Variants in RBFOX1 observed in about 807,000 individuals in gnomAD.
The protein encoded by RBFOX1 is RNA binding fox-1 homolog 1, also known as RNA binding protein fox-1 homolog 1.
In RBFOX1, 8 loss-of-function variants were observed where a neutral mutation model predicts 57.7. The ratio of observed to expected loss-of-function variants is 0.14; its 90% CI spans 0.08 to 0.25. The LOEUF (loss-of-function observed/expected upper bound fraction) is 0.25, where lower values mean the gene tolerates loss of function less well. Ranked by LOEUF, RBFOX1 falls within the 10% of genes least tolerant of loss-of-function variation. RBFOX1 has a pLI of 1.00. For synonymous variants in RBFOX1, 326 were observed against 222.4 expected (o/e 1.47, Z -4.15); for missense variants, 611 against 548.5 (o/e 1.11, Z -1.14).
chr16:6,931,592 A>G (rs1308142780), intron 3 of RBFOX1, among the ~76,000 whole-genome samples: 2 of 152,056 alleles, frequency 1.3e-5, no homozygotes, highest in Non-Finnish European at 2.9e-5. Flanking sequence ...AATGGACAAC[A>G]TATCCCACCC....
rs547658724 is a variant in RBFOX1 at position 6,601,387 on chromosome 16, C to G, written c.-63-53216C>G. On this transcript the variant is annotated intron_variant, in intron 2 of 15. Transcript: ENST00000550418. ...TTAATGGAGATGAAGGTGAGAGTTA[C>G]GGTGCTTTTGTTGGTATTGTGGCCA... Among the ~76,000 whole-genome samples, 109 of 152,174 alleles carry G rather than the reference C, an allele frequency of 7.2e-4. 1 individual carries two copies. Among genetic ancestry groups the G allele is most frequent in the African/African-American group, 2.6e-3 (107 of 41,520 alleles).
At chr16:7,291,098 G>C (rs144013658) in intron 4 of RBFOX1, among the ~76,000 whole-genome samples, 24 of 152,278 alleles carry the variant, frequency 1.6e-4, no homozygotes, top group African/African-American at 5.8e-4. Flanking sequence ...CATGCACTGG[G>C]CATAAGTGAT....
chr16:5,967,563 A>G (rs1445099080), intron 4 of RBFOX1, among the ~76,000 whole-genome samples: 1 of 152,210 alleles, frequency 6.6e-6, no homozygotes, highest in African/African-American at 2.4e-5. Context: ...AGATAAAGCA[A>G]GAAAAACACA....
rs189275587 is a variant in RBFOX1 at position 6,129,474 on chromosome 16, A to G, written c.-127+109482A>G. Reference sequence around the variant, plus strand: ...CAGAACAGAAAATTATTCAATCTGAAGAATACAAAAGGAAACAAAGGTAGT... The same window carrying G: ...CAGAACAGAAAATTATTCAATCTGAGGAATACAAAAGGAAACAAAGGTAGT... On this transcript the variant is annotated intron_variant, in intron 1 of 15. Transcript: ENST00000550418. 6.6e-5 allele frequency among the ~76,000 whole-genome samples: 10 copies of G among 152,304 alleles called. No individual in the cohort carries two copies. The East Asian group carries it at 1.2e-3, about 18-fold the overall frequency.
intron 1 of RBFOX1, among the ~76,000 whole-genome samples, chr16:6,168,289 G>T (rs1597998607): frequency 6.6e-6 from 1 of 152,220 alleles, no homozygotes; most frequent in African/African-American, 2.4e-5. Context: ...TCAGGCCCCA[G>T]TGGGCGATTT....
At chr16:6,550,488 C>G (rs1033451434) in intron 2 of RBFOX1, among the ~76,000 whole-genome samples, 3 of 151,878 alleles carry the variant, frequency 2.0e-5, no homozygotes, top group Admixed American at 6.6e-5. Context: ...ACCATGCCCA[C>G]CTAATTTTCG....
At chr16:6,926,467 A>G (rs565449638) in intron 3 of RBFOX1, among the ~76,000 whole-genome samples, 3 of 152,284 alleles carry the variant, frequency 2.0e-5, no homozygotes, top group Non-Finnish European at 4.4e-5. Context: ...TGTAGATAGT[A>G]GGTTCAGTGG....
chr16:5,433,285 G>T (rs2067809858), intron 1 of RBFOX1, among the ~76,000 whole-genome samples: 1 of 152,194 alleles, frequency 6.6e-6, no homozygotes, highest in Non-Finnish European at 1.5e-5. Flanking sequence ...CTGCAGGCCT[G>T]TCTCTTGTGA....
At chr16:6,644,186 T>C (rs1458998665) in intron 2 of RBFOX1, among the ~76,000 whole-genome samples, 1 of 152,164 alleles carries the variant, frequency 6.6e-6, no homozygotes. Flanking sequence ...GCATCTAAAC[T>C]CATATTCAGT....
intron 1 of RBFOX1, among the ~76,000 whole-genome samples, chr16:5,425,462 C>A (rs917001608): frequency 2.0e-5 from 3 of 152,124 alleles, no homozygotes; most frequent in African/African-American, 7.2e-5. Flanking sequence ...GATCTCCTCC[C>A]TGCCATAGCC....
chr16:6,503,480 TTTC>T (rs2095999812), intron 2 of RBFOX1, among the ~76,000 whole-genome samples: 3 of 152,214 alleles, frequency 2.0e-5, no homozygotes, highest in Admixed American at 2.0e-4. Context: ...CAGCAGGACA[TTTC>T]TTCTGATGGT....
chr16:5,569,477 T>TTTTTTTTTTTA (rs1555467702), intron 2 of RBFOX1, among the ~76,000 whole-genome samples: 1 of 143,196 alleles, frequency 7.0e-6, no homozygotes, highest in Non-Finnish European at 1.5e-5. Flanking sequence ...TCTTCTTCTT[T>TTTTTTTTTTTA]TTGGAGTACT....
At chr16:5,534,980 G>C (rs993396186) in intron 2 of RBFOX1, among the ~76,000 whole-genome samples, 6 of 152,328 alleles carry the variant, frequency 3.9e-5, no homozygotes, top group African/African-American at 9.6e-5. Flanking sequence ...AAGGCTTACT[G>C]TGAGTCAGTT....
chr16:7,159,591 C>G (rs184383742), intron 4 of RBFOX1, among the ~76,000 whole-genome samples: 2 of 152,284 alleles, frequency 1.3e-5, no homozygotes, highest in Non-Finnish European at 2.9e-5. Context: ...TCAGTGATCT[C>G]TCTACTCCGC....
chr16:6,189,449 T>C (rs893109635), intron 1 of RBFOX1, among the ~76,000 whole-genome samples: 1 of 152,216 alleles, frequency 6.6e-6, no homozygotes, highest in Non-Finnish European at 1.5e-5. Flanking sequence ...AGAGAACTGT[T>C]GGGTTGCCGG....
chr16:5,921,691 C>G (rs913785461), intron 4 of RBFOX1, among the ~76,000 whole-genome samples: 4 of 152,082 alleles, frequency 2.6e-5, no homozygotes, highest in African/African-American at 9.7e-5. Context: ...GTTTAATTGG[C>G]TAATGGTTCT....
rs144913734 is a variant in RBFOX1 at position 6,821,986 on chromosome 16, C to G, written c.-16+167336C>G. 8.5e-4 allele frequency among the ~76,000 whole-genome samples: 130 copies of G among 152,256 alleles called. 1 individual carries two copies. The highest frequency in any genetic ancestry group is 1.4e-3 in the Non-Finnish European group (95 of 68,022). On this transcript the variant is annotated intron_variant, in intron 3 of 15. Coordinates refer to ENST00000550418, the MANE Select transcript of RBFOX1 (RefSeq NM_018723.4). ...CTCTACTGTTTGGGGATGGATGATACTTCGCTGACATACCTTCTACATGAC... is the reference window on the plus strand; with the variant it reads ...CTCTACTGTTTGGGGATGGATGATAGTTCGCTGACATACCTTCTACATGAC...
chr16:7,376,729 G>C (rs557867880), intron 4 of RBFOX1, among the ~76,000 whole-genome samples: 1 of 152,252 alleles, frequency 6.6e-6, no homozygotes, highest in East Asian at 1.9e-4. Context: ...AATTAATCCA[G>C]GTTTTAGACT....
chr16:5,834,926 C>G (rs187816997), intron 3 of RBFOX1, among the ~76,000 whole-genome samples: 3 of 152,262 alleles, frequency 2.0e-5, no homozygotes, highest in Admixed American at 1.3e-4. Flanking sequence ...ACCTGCATAG[C>G]GTTTTCCACA....
Sources: allele counts gnomAD v4.1 joint callset (sites outside exome capture counted in the v4.1 genomes callset), GRCh38; gene constraint gnomAD v4.1.1; transcripts MANE v1.5; gene names NCBI Gene and HGNC (gene_info 2026-07-23, HGNC 2026-07-21).